The following GABRB2 variants were observed in gnomAD, a reference collection of about 807,000 sequenced individuals.
GABRB2 encodes the protein gamma-aminobutyric acid receptor subunit beta-2.
In GABRB2, 16 loss-of-function variants were observed where a neutral mutation model predicts 54.7. The ratio of observed to expected loss-of-function variants is 0.29; its 90% CI spans 0.20 to 0.44. The LOEUF is 0.44. Ranked by LOEUF, GABRB2 falls within the 20% of genes least tolerant of loss-of-function variation. The pLI is 1.00. For missense variants in GABRB2, 355 were observed against 644.0 expected (o/e 0.55, Z 4.86); for synonymous variants, 244 against 233.8 (o/e 1.04, Z -0.40).
intron 9 of GABRB2, among the ~76,000 whole-genome samples, chr5:161,322,674 A>G (rs1167510529): frequency 6.6e-6 from 1 of 152,054 alleles, no homozygotes; most frequent in Non-Finnish European, 1.5e-5. Flanking sequence ...TGTTCTGTAT[A>G]TTTATTATGC....
At chr5:161,489,134 TGTGA>T (rs1759022089) in intron 3 of GABRB2, among the ~76,000 whole-genome samples, 1 of 151,762 alleles carries the variant, frequency 6.6e-6, no homozygotes, top group Non-Finnish European at 1.5e-5. Context: ...ATGGATGGCT[TGTGA>T]GTAACAAAGC....
At chr5:161,479,919 C>T (rs1041941694) in intron 3 of GABRB2, among the ~76,000 whole-genome samples, 5 of 152,012 alleles carry the variant, frequency 3.3e-5, no homozygotes, top group Admixed American at 2.6e-4. Context: ...TTTTTCAATG[C>T]AGTGCTCTCC....
chr5:161,546,796 C>A, upstream of GABRB2: 1 of 1,384,632 alleles, frequency 7.2e-7, no homozygotes, highest in Non-Finnish European at 9.4e-7. Flanking sequence ...AGCAGATTTC[C>A]TTGTTTAAAA....
chr5:161,419,100 C>T (rs1220746085), intron 4 of GABRB2, among the ~76,000 whole-genome samples: 2 of 152,126 alleles, frequency 1.3e-5, no homozygotes, highest in Admixed American at 1.3e-4. Flanking sequence ...GCACTCCAGC[C>T]TGGGTGACAG....
At chr5:161,469,526 C>CA (rs1758376603) in intron 3 of GABRB2, among the ~76,000 whole-genome samples, 1 of 151,146 alleles carries the variant, frequency 6.6e-6, no homozygotes, top group Non-Finnish European at 1.5e-5. Context: ...AACCAAAAAA[C>CA]AAAAAACAAA....
chr5:161,397,082 T>G (rs751432051), intron 5 of GABRB2, among the ~76,000 whole-genome samples: 3 of 152,330 alleles, frequency 2.0e-5, no homozygotes, highest in Non-Finnish European at 2.9e-5. Context: ...AGCCTTTTGT[T>G]AAACCTTAAG....
At chr5:161,316,904 A>G (rs541900984) in intron 9 of GABRB2, among the ~76,000 whole-genome samples, 2 of 152,108 alleles carry the variant, frequency 1.3e-5, no homozygotes, top group Non-Finnish European at 2.9e-5. Context: ...GAGCCCTTTC[A>G]TTCTTACTTG....
rs1757274257 is a variant in GABRB2, at chr5:161,292,843, A to G, written c.*1238T>C. ...CATATAAGAAAATATAGTTCACTCA[A>G]TCTCTCCAAAGCCTTACTTTGCCAG... On this transcript the variant is annotated 3_prime_UTR_variant, in exon 10 of 10. Coordinates refer to ENST00000393959, the MANE Select transcript of GABRB2 (RefSeq NM_001371727.1). The G allele has an allele frequency of 6.6e-6, 1 of 152,194 alleles. No individual in the cohort carries two copies. Among genetic ancestry groups the G allele is most frequent in the East Asian group, 1.9e-4 (1 of 5,196 alleles). The allele number at this position is 152,194 out of a possible 1,614,324, so 9.4% of individuals were successfully genotyped here. A position where few individuals can be genotyped will look rare whatever the true frequency, so the allele number is the denominator to read the frequency against.
Position 161,421,248 on chromosome 5 carries a change from G to A in GABRB2, c.459-10191C>T, listed in dbSNP as rs118113154. ...CACCTGTGAAAGAAAGGAAGCTGTG[G>A]GGTTGAACAAAGACGGCAAACTGTG... On this transcript the variant is annotated intron_variant, in intron 4 of 9. Coordinates refer to ENST00000393959, the MANE Select transcript of GABRB2 (RefSeq NM_001371727.1). Among the ~76,000 whole-genome samples the A allele has an allele frequency of 1.4e-4, 21 of 152,250 alleles. No individual in the cohort carries two copies. In the East Asian group the frequency reaches 4.1e-3, roughly 29 times the overall value.
intron 5 of GABRB2, among the ~76,000 whole-genome samples, chr5:161,407,436 A>G (rs1267189613): frequency 2.6e-5 from 4 of 152,062 alleles, no homozygotes; most frequent in Non-Finnish European, 5.9e-5. Flanking sequence ...AAAGAGAGAA[A>G]TCTTTGATTT....
chr5:161,463,467 A>G (rs897858787), intron 3 of GABRB2, among the ~76,000 whole-genome samples: 1 of 147,360 alleles, frequency 6.8e-6, no homozygotes, highest in Non-Finnish European at 1.5e-5. Flanking sequence ...ATGCTATCTC[A>G]TTTAATCTCA....
intron 3 of GABRB2, among the ~76,000 whole-genome samples, chr5:161,491,921 A>C (rs1173290505): frequency 2.0e-5 from 3 of 151,674 alleles, no homozygotes; most frequent in African/African-American, 7.2e-5. Context: ...TCAAGTCTTG[A>C]TAACCTTAAT....
chr5:161,356,134 C>G (rs147648142), intron 5 of GABRB2, among the ~76,000 whole-genome samples: 2 of 152,062 alleles, frequency 1.3e-5, no homozygotes, highest in Non-Finnish European at 2.9e-5. Context: ...GTGAAGGCAA[C>G]AGTAAACTAA....
Position 161,386,156 on chromosome 5 carries a change from C to T in GABRB2, c.541+24819G>A, listed in dbSNP as rs546683890. Among the ~76,000 whole-genome samples the T allele has an allele frequency of 5.4e-4, 82 of 152,158 alleles. 1 individual carries two copies. The highest frequency in any genetic ancestry group is 3.1e-3 in the Admixed American group (47 of 15,260). ...CACCCATTTGAGGTTTGTATTTATC[C>T]TAAGTGGCCCTCATGGATTTATTTA... On this transcript the variant is annotated intron_variant, in intron 5 of 9. Transcript: ENST00000393959.
At chr5:161,370,992 A>G (rs1755114837) in intron 5 of GABRB2, among the ~76,000 whole-genome samples, 1 of 152,168 alleles carries the variant, frequency 6.6e-6, no homozygotes, top group South Asian at 2.1e-4. Context: ...GTATGTTAGT[A>G]TTATTTAAGA....
chr5:161,531,619 GTGA>G (rs888750100), intron 3 of GABRB2, among the ~76,000 whole-genome samples: 1 of 151,890 alleles, frequency 6.6e-6, no homozygotes, highest in African/African-American at 2.4e-5. Flanking sequence ...TCACTTTTGA[GTGA>G]TCCATGTTAC....
intron 5 of GABRB2, among the ~76,000 whole-genome samples, chr5:161,386,499 G>A (rs1755641154): frequency 6.6e-6 from 1 of 151,982 alleles, no homozygotes; most frequent in Non-Finnish European, 1.5e-5. Flanking sequence ...AACTTGTTAT[G>A]GAAATATTGA....
At chr5:161,358,450 A>G (rs1405998502) in intron 5 of GABRB2, among the ~76,000 whole-genome samples, 1 of 151,558 alleles carries the variant, frequency 6.6e-6, no homozygotes, top group Non-Finnish European at 1.5e-5. Flanking sequence ...GTGGCATGGT[A>G]GCTAGCAGGT....
At chr5:161,356,129 G>A (rs12522620) in intron 5 of GABRB2, among the ~76,000 whole-genome samples, 2 of 152,084 alleles carry the variant, frequency 1.3e-5, no homozygotes, top group African/African-American at 4.8e-5. Context: ...ATCATGTGAA[G>A]GCAACAGTAA....
Sources: allele counts gnomAD v4.1 joint callset (sites outside exome capture counted in the v4.1 genomes callset), GRCh38; gene constraint gnomAD v4.1.1; transcripts MANE v1.5; gene names NCBI Gene and HGNC (gene_info 2026-07-23, HGNC 2026-07-21).